PLCE1: variants seen among roughly 807,000 people sequenced by gnomAD.
The protein encoded by PLCE1 is phospholipase C epsilon 1, also known as 1-phosphatidylinositol 4,5-bisphosphate phosphodiesterase epsilon-1.
PLCE1 carries 119 observed loss-of-function variants against 242.8 expected under a neutral mutation model. That is an observed-to-expected ratio of 0.49 (90% confidence interval 0.42 to 0.57). PLCE1 has a LOEUF of 0.57. Among genes scored for constraint, PLCE1 ranks in the 20% least tolerant of loss-of-function variants. The pLI, the probability that PLCE1 is intolerant of heterozygous loss-of-function variation, is 0.00. For missense variants in PLCE1, 2,441 were observed against 2,788.8 expected (o/e 0.88, Z 2.81); for synonymous variants, 945 against 1,017.4 (o/e 0.93, Z 1.35).
At chr10:94,288,920 G>A (rs181276332) in intron 22 of PLCE1, among the ~76,000 whole-genome samples, 1 of 152,288 alleles carries the variant, frequency 6.6e-6, no homozygotes, top group East Asian at 1.9e-4. Context: ...CTGCTGCCTT[G>A]GACAGCTTTG....
intron 2 of PLCE1, among the ~76,000 whole-genome samples, chr10:94,094,446 T>C (rs1022929313): frequency 2.0e-5 from 3 of 152,060 alleles, no homozygotes; most frequent in Non-Finnish European, 4.4e-5. Flanking sequence ...GTATGACAGG[T>C]GCATGAATGG....
At chr10:94,305,975 T>TA (rs1455463948) in intron 25 of PLCE1, among the ~76,000 whole-genome samples, 1 of 151,160 alleles carries the variant, frequency 6.6e-6, no homozygotes, top group Admixed American at 6.6e-5. Flanking sequence ...TACAATCACT[T>TA]ACTTTTTTTT....
At chr10:94,284,794 G>C in intron 21 of PLCE1, 54 bp from the exon 22 acceptor site, 1 of 921,040 alleles carries the variant, frequency 1.1e-6, no homozygotes, top group Non-Finnish European at 1.8e-6. Context: ...TGGGAATCCA[G>C]AGGTGAGTAG....
At position 94,316,534 on chromosome 10, in the gene PLCE1, A is replaced by C; in HGVS notation, c.6133-13A>C. On this transcript the variant is annotated splice_polypyrimidine_tract_variant and intron_variant, in intron 28 of 32. Coordinates refer to ENST00000371380, the MANE Select transcript of PLCE1 (RefSeq NM_016341.4). ...TTGCCTCACTCCTCAGTTTGCCTTCACTTTTTCTTTAGATTCTGACAAATG... is the reference window on the plus strand; with the variant it reads ...TTGCCTCACTCCTCAGTTTGCCTTCCCTTTTTCTTTAGATTCTGACAAATG... 1 of 1,584,536 alleles carries C rather than the reference A, an allele frequency of 6.3e-7. No homozygotes were observed. The highest frequency in any genetic ancestry group is 8.7e-7 in the Non-Finnish European group (1 of 1,155,480).
At chr10:94,057,674 A>G (rs1298386944) in intron 2 of PLCE1, among the ~76,000 whole-genome samples, 1 of 152,230 alleles carries the variant, frequency 6.6e-6, no homozygotes, top group Non-Finnish European at 1.5e-5. Context: ...TATATGTATT[A>G]GTTCTATTGC....
At chr10:94,144,930 C>A (rs2047070151) in intron 3 of PLCE1, among the ~76,000 whole-genome samples, 2 of 152,036 alleles carry the variant, frequency 1.3e-5, no homozygotes, top group South Asian at 4.2e-4. Context: ...TAGAGAGAGG[C>A]AAAACAGAGA....
chr10:94,132,245 C>T lies in PLCE1; in HGVS notation c.1278C>T (p.Leu426=). 6.2e-7 allele frequency: 1 copy of T among 1,614,100 alleles called. No individual in the cohort carries two copies. The highest frequency in any genetic ancestry group is 2.2e-5 in the East Asian group (1 of 44,878). The change falls in exon 3 of 33, where the codon CTC becomes CTT. Residue 426 remains leucine, a synonymous_variant. Transcript: ENST00000371380. ...CTCTACTCCATTTCCTCACCAAGCT[C>T]CCAGCCTCCGAGACAGCCCATGGAA... ...VGSLLHFLTK[L]PASETAHGRI...
intron 4 of PLCE1, among the ~76,000 whole-genome samples, chr10:94,172,984 A>G (rs1456107451): frequency 1.3e-5 from 2 of 152,264 alleles, no homozygotes; most frequent in Non-Finnish European, 2.9e-5. Flanking sequence ...TTCTGTATCC[A>G]GACATGTCCT....
At chr10:94,226,779 T>C (rs12780278) in intron 4 of PLCE1, among the ~76,000 whole-genome samples, 30,519 of 149,422 alleles carry the variant, frequency 0.2, 3,778 homozygotes, top group East Asian at 0.3. Flanking sequence ...TTCAGCCTTC[T>C]TGTTTTAAAG....
rs141131272 is a variant in PLCE1 at position 94,076,705 on chromosome 10, G to A, written c.1206+44453G>A. 2.0e-4 allele frequency among the ~76,000 whole-genome samples: 31 copies of A among 152,250 alleles called. 1 individual carries two copies. The East Asian group carries it at 3.3e-3, about 16-fold the overall frequency. On this transcript the variant is annotated intron_variant, in intron 2 of 32. Coordinates refer to ENST00000371380, the MANE Select transcript of PLCE1 (RefSeq NM_016341.4). ...AGACTGGAATACTTCCAGTCTGATG[G>A]TCAGATAATGATTTCAGCCTCCTAG...
intron 2 of PLCE1, among the ~76,000 whole-genome samples, chr10:94,067,005 A>G (rs1211833210): frequency 6.6e-6 from 1 of 152,178 alleles, no homozygotes; most frequent in African/African-American, 2.4e-5. Flanking sequence ...AATTCCTTCA[A>G]CTTCCTTTTT....
In PLCE1 at chr10:94,267,403, T is replaced by C. The variant is rs146945997; in HGVS notation, c.4281+1445T>C. Reference sequence around the variant, plus strand: ...GAATAAGGCACAAGAACCCCTCAAATAGACTCAGAGATGTGACTAAACCTA... The same window carrying C: ...GAATAAGGCACAAGAACCCCTCAAACAGACTCAGAGATGTGACTAAACCTA... On this transcript the variant is annotated intron_variant, in intron 16 of 32. Coordinates refer to ENST00000371380, the MANE Select transcript of PLCE1 (RefSeq NM_016341.4). Among the ~76,000 whole-genome samples the C allele has an allele frequency of 3.2e-3, 480 of 152,264 alleles. 3 individuals are homozygous for C. Among genetic ancestry groups the C allele is most frequent in the African/African-American group, 0.011 (457 of 41,574 alleles).
At chr10:94,167,047 TG>T (rs1354575564) in intron 3 of PLCE1, among the ~76,000 whole-genome samples, 1 of 152,168 alleles carries the variant, frequency 6.6e-6, no homozygotes, top group Non-Finnish European at 1.5e-5. Flanking sequence ...CCTAGCACTT[TG>T]GGAGGCCAAG....
chr10:94,320,262 C>A (rs1234669796), intron 29 of PLCE1, among the ~76,000 whole-genome samples: 1 of 152,006 alleles, frequency 6.6e-6, no homozygotes, highest in East Asian at 1.9e-4. Context: ...TCTTCCCCCC[C>A]TTCCATTATA....
chr10:94,288,402 T>G (rs889845594), intron 22 of PLCE1, among the ~76,000 whole-genome samples: 2 of 152,168 alleles, frequency 1.3e-5, no homozygotes, highest in Non-Finnish European at 2.9e-5. Flanking sequence ...GCTTTGTGAT[T>G]TGGCCAAGGC....
chr10:94,199,684 C>T (rs1022473035), intron 4 of PLCE1, among the ~76,000 whole-genome samples: 3 of 152,190 alleles, frequency 2.0e-5, no homozygotes, highest in African/African-American at 7.2e-5. Context: ...AGTTTTTGAA[C>T]TTTTCACAGA....
At chr10:94,179,512 GTT>G (rs1554877545) in intron 4 of PLCE1, among the ~76,000 whole-genome samples, 20 of 19,398 alleles carry the variant, frequency 1.0e-3, no homozygotes, top group African/African-American at 2.7e-3. Flanking sequence ...TTTTAGTTTA[GTT>G]TTTTTTTTTT....
chr10:94,284,373 G>T (rs1469532107), intron 21 of PLCE1, among the ~76,000 whole-genome samples: 1 of 152,162 alleles, frequency 6.6e-6, no homozygotes, highest in Non-Finnish European at 1.5e-5. Flanking sequence ...AGGCATTTGG[G>T]ATGACCAAGA....
At chr10:94,045,777 A>G (rs933771141) in intron 2 of PLCE1, among the ~76,000 whole-genome samples, 1 of 152,080 alleles carries the variant, frequency 6.6e-6, no homozygotes, top group Non-Finnish European at 1.5e-5. Flanking sequence ...TCTGTCTCTC[A>G]CTTATTTCAT....
Sources: allele counts gnomAD v4.1 joint callset (sites outside exome capture counted in the v4.1 genomes callset), GRCh38; gene constraint gnomAD v4.1.1; transcripts MANE v1.5; gene names NCBI Gene and HGNC (gene_info 2026-07-23, HGNC 2026-07-21).